DENND5B: variants seen among roughly 807,000 people sequenced by gnomAD.
The protein encoded by DENND5B is DENN domain containing 5B.
A neutral mutation model predicts 140.6 loss-of-function variants in DENND5B; 34 were observed. That is an observed-to-expected ratio of 0.24 (90% CI 0.18 to 0.32). The LOEUF (loss-of-function observed/expected upper bound fraction) is 0.32. Ranked by LOEUF, DENND5B falls within the 10% of genes least tolerant of loss-of-function variation. The probability of loss-of-function intolerance (pLI) is 1.00; values close to 1 mark genes in which losing one functional copy is unlikely to be tolerated. For missense variants in DENND5B, 1,142 were observed against 1,560.2 expected, an observed-to-expected ratio of 0.73 and a Z score of 4.52; for synonymous variants, 551 against 562.1, an observed-to-expected ratio of 0.98 and a Z score of 0.28.
intron 14 of DENND5B, 24 bp downstream of exon 14, chr12:31,409,239 T>G: frequency 6.4e-7 from 1 of 1,554,168 alleles, no homozygotes; most frequent in East Asian, 2.3e-5. Context: ...CAGTAACCCT[T>G]AACGGTCAAT....
chr12:31,442,675 G>T, intron 7 of DENND5B, 100 bp downstream of exon 7: 1 of 1,265,620 alleles, frequency 7.9e-7, no homozygotes, highest in Non-Finnish European at 1.0e-6. Context: ...AAAGTAATCA[G>T]ATAGATGTTT....
intron 2 of DENND5B, among the ~76,000 whole-genome samples, chr12:31,483,193 G>A (rs1459123129): frequency 6.6e-6 from 1 of 152,136 alleles, no homozygotes. Context: ...TCCCCATTAA[G>A]AAGTGGAGCT....
At chr12:31,420,343 C>G (rs1433801555) in intron 11 of DENND5B, among the ~76,000 whole-genome samples, 1 of 152,018 alleles carries the variant, frequency 6.6e-6, no homozygotes, top group African/African-American at 2.4e-5. Flanking sequence ...CACTATGTTA[C>G]CTCAGCTGGT....
chr12:31,424,816 G>GA (rs1943164569), intron 9 of DENND5B, 129 bp from the exon 10 acceptor site: 11 of 1,206,100 alleles, frequency 9.1e-6, no homozygotes, highest in Middle Eastern at 2.3e-4. Context: ...ATCACCTTGG[G>GA]AAAAAAATCT....
intron 1 of DENND5B, among the ~76,000 whole-genome samples, chr12:31,533,594 G>A (rs944258442): frequency 6.6e-6 from 1 of 152,142 alleles, no homozygotes; most frequent in African/African-American, 2.4e-5. Context: ...GTGAACTCAA[G>A]AGATTATGTA....
intron 1 of DENND5B, among the ~76,000 whole-genome samples, chr12:31,576,455 C>CA (rs1228295050): frequency 5.5e-5 from 8 of 144,428 alleles, no homozygotes; most frequent in East Asian, 4.0e-4. Context: ...CACACCATCT[C>CA]AAAAAAAAGT....
chr12:31,425,755 G>C (rs1943200816), intron 9 of DENND5B, among the ~76,000 whole-genome samples: 1 of 152,144 alleles, frequency 6.6e-6, no homozygotes, highest in South Asian at 2.1e-4. Flanking sequence ...CTCAAGAAAT[G>C]ACTGTCAAAT....
intron 11 of DENND5B, among the ~76,000 whole-genome samples, chr12:31,416,103 C>T (rs1401375855): frequency 1.3e-5 from 2 of 152,212 alleles, no homozygotes; most frequent in African/African-American, 4.8e-5. Context: ...TCCCAAAGTG[C>T]TGGAATTACA....
intron 1 of DENND5B, chr12:31,534,785 G>A: frequency 1.2e-5 from 5 of 429,458 alleles, no homozygotes; most frequent in East Asian, 7.3e-5. Flanking sequence ...TGTCCTCCTG[G>A]CAATATCAAA....
intron 1 of DENND5B, among the ~76,000 whole-genome samples, chr12:31,506,969 CTA>C (rs2138875428): frequency 6.6e-6 from 1 of 152,280 alleles, no homozygotes; most frequent in East Asian, 1.9e-4. Context: ...GGCTACAAGA[CTA>C]AGCTGAATCT....
intron 19 of DENND5B, 84 bp downstream of exon 19, chr12:31,392,183 C>T (rs934187753): frequency 3.1e-5 from 46 of 1,492,100 alleles, no homozygotes; most frequent in Non-Finnish European, 4.0e-5. Flanking sequence ...TATCACTAAC[C>T]CTTATTCACT....
rs372625067 is a variant in DENND5B at position 31,460,349 on chromosome 12, T to C, written c.937A>G (p.Ile313Val). The C allele has an allele frequency of 9.9e-6, 16 of 1,613,828 alleles. No individual in the cohort carries two copies. The highest frequency in any genetic ancestry group is 1.2e-5 in the Non-Finnish European group (14 of 1,179,886). The change falls in exon 4 of 21, where the codon ATC (isoleucine) becomes GTC (valine). Residue 313 changes from isoleucine (I) to valine (V), a missense_variant. This residue lies in a region of DENND5B where 708 missense variants were observed against 905.5 expected (regional missense o/e 0.78). Coordinates refer to ENST00000389082, the MANE Select transcript of DENND5B (RefSeq NM_144973.4). Reference protein sequence around the residue: ...YQRLMTVAEGITTLLFPFQWQ... With the variant: ...YQRLMTVAEGVTTLLFPFQWQ... The stretch of plus-strand genomic sequence containing the variant: ...TGAAATGGGAACAAAAGTGTGGTGA[T>C]GCCTTCTGCCACAGTCATCAGGCGT...
At chr12:31,574,501 A>G (rs1949943902) in intron 1 of DENND5B, among the ~76,000 whole-genome samples, 1 of 151,894 alleles carries the variant, frequency 6.6e-6, no homozygotes, top group East Asian at 1.9e-4. Flanking sequence ...GAGGCAGAAG[A>G]ATCGCTTGAA....
At chr12:31,457,743 T>C (rs1459735748) in intron 4 of DENND5B, among the ~76,000 whole-genome samples, 1 of 151,362 alleles carries the variant, frequency 6.6e-6, no homozygotes, top group Admixed American at 6.6e-5. Context: ...AGATGGAGTC[T>C]CGCTCTGTCG....
At position 31,402,605 on chromosome 12, in the gene DENND5B, G is replaced by C; in HGVS notation, c.2842C>G (p.Leu948Val). Residue 948 changes from leucine (L) to valine (V), a missense_variant, in exon 15 of 21, where the codon CTG becomes GTG. Coordinates refer to ENST00000389082, the MANE Select transcript of DENND5B (RefSeq NM_144973.4). ...YRSVIIPIKK[L>V]SNAIITSNPW... ...TTTGATGTGATTATTGCATTGCTCA[G>C]CTTTTTGATTGGGATGATCACTGAC... 1 of 1,613,632 alleles carries C rather than the reference G, an allele frequency of 6.2e-7. No individual in the cohort carries two copies. The highest frequency in any genetic ancestry group is 8.5e-7 in the Non-Finnish European group (1 of 1,179,724).
At chr12:31,505,112 C>T (rs141017805) in intron 1 of DENND5B, among the ~76,000 whole-genome samples, 9 of 152,186 alleles carry the variant, frequency 5.9e-5, no homozygotes, top group Non-Finnish European at 8.8e-5. Context: ...TATTTGTGTT[C>T]GTTTTGACTT....
At position 31,387,535 on chromosome 12, in the gene DENND5B, C is replaced by G. The variant is rs903136548; in HGVS notation, c.*68G>C. The stretch of plus-strand genomic sequence containing the variant: ...CCTGCAGTGACTCACTACTGTCAGA[C>G]AAGTCCAAATCGGTCCCCTAGTTGG... On this transcript the variant is annotated 3_prime_UTR_variant, in exon 21 of 21. Coordinates refer to ENST00000389082, the MANE Select transcript of DENND5B (RefSeq NM_144973.4). 2.0e-6 allele frequency: 3 copies of G among 1,534,792 alleles called. No individual in the cohort carries two copies. The highest frequency in any genetic ancestry group is 2.7e-6 in the Non-Finnish European group (3 of 1,128,930).
At chr12:31,540,008 CTCA>C (rs1478060738) in intron 1 of DENND5B, among the ~76,000 whole-genome samples, 11 of 151,984 alleles carry the variant, frequency 7.2e-5, no homozygotes, top group Non-Finnish European at 1.5e-4. Flanking sequence ...ACTATTAGAA[CTCA>C]TACAAAATCA....
At chr12:31,462,625 T>G (rs1329255940) in intron 3 of DENND5B, among the ~76,000 whole-genome samples, 1 of 151,920 alleles carries the variant, frequency 6.6e-6, no homozygotes, top group East Asian at 1.9e-4. Context: ...AAATGTTATG[T>G]TTTTTTTCCT....
Sources: allele counts gnomAD v4.1 joint callset (sites outside exome capture counted in the v4.1 genomes callset), GRCh38; gene constraint gnomAD v4.1.1; regional missense constraint gnomAD v4.1.1; transcripts MANE v1.5; gene names NCBI Gene and HGNC (gene_info 2026-07-23, HGNC 2026-07-21).